The following SOX5 variants were observed in gnomAD, a reference collection of about 807,000 sequenced individuals.
The protein encoded by SOX5 is SRY-box transcription factor 5, also known as transcription factor SOX-5.
SOX5 carries 9 observed loss-of-function variants against 92.0 expected under a neutral mutation model. The observed-to-expected ratio is 0.10, with a 90% confidence interval of 0.06 to 0.17. The LOEUF is 0.17. SOX5 is among the 10% of genes least tolerant of loss of function. SOX5 has a pLI of 1.00. For missense variants in SOX5, 642 were observed against 944.5 expected (o/e 0.68, Z 4.20); for synonymous variants, 344 against 336.3 (o/e 1.02, Z -0.25).
chr12:23,989,445 G>A (rs1950359357), intron 4 of SOX5, among the ~76,000 whole-genome samples: 1 of 151,968 alleles, frequency 6.6e-6, no homozygotes, highest in Admixed American at 6.6e-5. Flanking sequence ...ATGATTGACT[G>A]TAGGATATTG....
chr12:23,640,246 G>A (rs1357353540), intron 8 of SOX5, among the ~76,000 whole-genome samples: 2 of 152,154 alleles, frequency 1.3e-5, no homozygotes, highest in Non-Finnish European at 2.9e-5. Flanking sequence ...GACATTCTCG[G>A]ATTATAGGAA....
At chr12:24,295,068 G>A (rs1947046447) in intron 2 of SOX5, among the ~76,000 whole-genome samples, 1 of 151,736 alleles carries the variant, frequency 6.6e-6, no homozygotes, top group African/African-American at 2.4e-5. Context: ...GACATATATA[G>A]AACGTATTTA....
intron 3 of SOX5, among the ~76,000 whole-genome samples, chr12:23,835,749 G>A (rs2135736699): frequency 6.6e-6 from 1 of 151,720 alleles, no homozygotes; most frequent in South Asian, 2.1e-4. Context: ...ATGATTATTT[G>A]GCAAAATCTC....
In SOX5 at chr12:24,064,402, G is replaced by A. The variant is rs187125129; in HGVS notation, c.-2+148941C>T. Among the ~76,000 whole-genome samples, 15 of 152,230 alleles carry A rather than the reference G, an allele frequency of 9.9e-5. No homozygotes were observed. In the South Asian group the frequency reaches 2.1e-3, roughly 21 times the overall value. ...TGAACATCTGGTAACCACGGCACCC[G>A]ATCAGTTCCATCAGAAAAGGTATGT... On this transcript the variant is annotated intron_variant, in intron 4 of 4. Transcript: ENST00000446891.
intron 2 of SOX5, among the ~76,000 whole-genome samples, chr12:24,337,041 A>G (rs991020349): frequency 6.6e-6 from 1 of 152,174 alleles, no homozygotes; most frequent in African/African-American, 2.4e-5. Context: ...TAAGAGTATG[A>G]GATCTCAAAA....
Position 24,538,432 on chromosome 12 carries a change from T to C in SOX5, c.-251+23897A>G, listed in dbSNP as rs2955481. Among the ~76,000 whole-genome samples, 1,008 of 152,274 alleles carry C rather than the reference T, an allele frequency of 6.6e-3. 8 individuals are homozygous for C. Among genetic ancestry groups the C allele is most frequent in the Middle Eastern group, 0.054 (16 of 294 alleles). On this transcript the variant is annotated intron_variant, in intron 1 of 4. Coordinates refer to the SOX5 transcript ENST00000446891. Reference sequence around the variant, plus strand: ...CTTCACGGTGACTCAACAGGCCAATTTTCCAGACACTTAAGACGTTTCTGC... The same window carrying C: ...CTTCACGGTGACTCAACAGGCCAATCTTCCAGACACTTAAGACGTTTCTGC...
At chr12:24,154,821 T>C (rs1274148773) in intron 4 of SOX5, among the ~76,000 whole-genome samples, 2 of 152,084 alleles carry the variant, frequency 1.3e-5, no homozygotes, top group Non-Finnish European at 2.9e-5. Context: ...AATTCATAAA[T>C]TACACTGATA....
chr12:24,344,425 A>G (rs1952972120), intron 2 of SOX5, among the ~76,000 whole-genome samples: 2 of 152,060 alleles, frequency 1.3e-5, no homozygotes, highest in Non-Finnish European at 2.9e-5. Context: ...ACAGATGGGA[A>G]CAACGTCGGG....
chr12:24,414,334 T>C (rs1964635652), intron 1 of SOX5, among the ~76,000 whole-genome samples: 1 of 152,210 alleles, frequency 6.6e-6, no homozygotes, highest in Non-Finnish European at 1.5e-5. Flanking sequence ...TGCCTAAATA[T>C]GAACAAACAG....
intron 9 of SOX5, among the ~76,000 whole-genome samples, chr12:23,597,295 C>A (rs1230369887): frequency 6.6e-6 from 1 of 152,168 alleles, no homozygotes; most frequent in Non-Finnish European, 1.5e-5. Context: ...GCTGAGATTA[C>A]AACTAGCCTC....
intron 4 of SOX5, among the ~76,000 whole-genome samples, chr12:24,132,345 C>T (rs574613069): frequency 6.6e-6 from 1 of 152,136 alleles, no homozygotes; most frequent in African/African-American, 2.4e-5. Flanking sequence ...GGATAACTAA[C>T]CTTTTGTTAA....
intron 4 of SOX5, among the ~76,000 whole-genome samples, chr12:23,989,960 C>T (rs537256984): frequency 3.3e-5 from 5 of 151,656 alleles, no homozygotes; most frequent in Non-Finnish European, 7.4e-5. Flanking sequence ...CAAAGGAAAA[C>T]ATTTTATTTA....
At chr12:24,239,426 A>G (rs1222274667) in intron 3 of SOX5, among the ~76,000 whole-genome samples, 5 of 152,326 alleles carry the variant, frequency 3.3e-5, no homozygotes, top group African/African-American at 1.2e-4. Context: ...CTGAAACTGC[A>G]TATTCCGATA....
chr12:23,710,398 A>C (rs1011559202), intron 6 of SOX5, among the ~76,000 whole-genome samples: 2 of 151,672 alleles, frequency 1.3e-5, no homozygotes, highest in African/African-American at 4.8e-5. Flanking sequence ...CGCTTCCCCT[A>C]CCCCACAACA....
intron 1 of SOX5, among the ~76,000 whole-genome samples, chr12:24,436,902 A>G (rs531537321): frequency 3.5e-4 from 53 of 152,316 alleles, no homozygotes; most frequent in African/African-American, 1.2e-3. Flanking sequence ...TAAGAATTGG[A>G]GTAAATCTAC....
intron 8 of SOX5, among the ~76,000 whole-genome samples, chr12:23,627,920 G>C (rs976202161): frequency 6.6e-6 from 1 of 151,464 alleles, no homozygotes; most frequent in Non-Finnish European, 1.5e-5. Flanking sequence ...ACTGGTTACC[G>C]TGCAAATATT....
intron 9 of SOX5, among the ~76,000 whole-genome samples, chr12:23,590,898 T>C (rs994307230): frequency 2.0e-5 from 3 of 152,168 alleles, no homozygotes; most frequent in Admixed American, 6.5e-5. Flanking sequence ...AACGTGTCTC[T>C]TTCCCAAGGA....
At chr12:24,115,321 G>T (rs1317964927) in intron 4 of SOX5, among the ~76,000 whole-genome samples, 2 of 152,144 alleles carry the variant, frequency 1.3e-5, no homozygotes, top group Non-Finnish European at 2.9e-5. Flanking sequence ...AAGCTGAAAT[G>T]GTTATCAACT....
chr12:23,648,364 C>A (rs892078795), intron 7 of SOX5, among the ~76,000 whole-genome samples: 1 of 152,096 alleles, frequency 6.6e-6, no homozygotes, highest in Non-Finnish European at 1.5e-5. Context: ...TTTATATAAG[C>A]TAAATACTTT....
Sources: allele counts gnomAD v4.1 joint callset (sites outside exome capture counted in the v4.1 genomes callset), GRCh38; gene constraint gnomAD v4.1.1; transcripts MANE v1.5; gene names NCBI Gene and HGNC (gene_info 2026-07-23, HGNC 2026-07-21).